ACVR1B: variants seen among roughly 807,000 people sequenced by gnomAD.
The protein encoded by ACVR1B is activin receptor type-1B.
In ACVR1B, 15 loss-of-function variants were observed where a neutral mutation model predicts 55.6. The observed-to-expected ratio is 0.27, with a 90% confidence interval of 0.18 to 0.42. ACVR1B has a LOEUF of 0.42. Ranked by LOEUF, ACVR1B falls within the 10% of genes least tolerant of loss-of-function variation. The pLI, the probability that ACVR1B is intolerant of heterozygous loss-of-function variation, is 1.00. For synonymous variants in ACVR1B, 247 were observed against 254.6 expected, an observed-to-expected ratio of 0.97 and a Z score of 0.28; for missense variants, 359 against 670.1, an observed-to-expected ratio of 0.54 and a Z score of 5.13.
chr12:51,980,079 T>G (rs1941947236), intron 3 of ACVR1B, among the ~76,000 whole-genome samples: 1 of 152,186 alleles, frequency 6.6e-6, no homozygotes, highest in South Asian at 2.1e-4. Flanking sequence ...TGTATGAATT[T>G]GAATATTACA....
At chr12:51,968,603 A>T (rs892742775) in intron 1 of ACVR1B, among the ~76,000 whole-genome samples, 1 of 152,116 alleles carries the variant, frequency 6.6e-6, no homozygotes, top group Admixed American at 6.5e-5. Context: ...GACAGCTTTG[A>T]TCTATGGTAT....
intron 6 of ACVR1B, among the ~76,000 whole-genome samples, chr12:51,985,874 T>C (rs573812293): frequency 1.3e-5 from 2 of 152,302 alleles, no homozygotes; most frequent in Admixed American, 6.5e-5. Context: ...ATTGACTTCA[T>C]GAGTTGGAAA....
chr12:51,976,221 G>A (rs1348227882), intron 2 of ACVR1B, 106 bp from the exon 3 acceptor site: 20 of 1,358,212 alleles, frequency 1.5e-5, no homozygotes, highest in Middle Eastern at 2.5e-4. Flanking sequence ...TGAACACATC[G>A]ACAGGGAAAG....
intron 1 of ACVR1B, among the ~76,000 whole-genome samples, chr12:51,973,380 A>G (rs1458636252): frequency 2.0e-5 from 3 of 152,172 alleles, no homozygotes; most frequent in Non-Finnish European, 2.9e-5. Flanking sequence ...TATGCTTTCC[A>G]TAGAGAACCC....
intron 5 of ACVR1B, among the ~76,000 whole-genome samples, chr12:51,984,753 G>A (rs1341443002): frequency 6.6e-6 from 1 of 152,226 alleles, no homozygotes; most frequent in South Asian, 2.1e-4. Flanking sequence ...AAAATCACCC[G>A]TGAAAGTTGG....
chr12:51,964,604 A>G (rs1941604760), intron 1 of ACVR1B, among the ~76,000 whole-genome samples: 1 of 152,134 alleles, frequency 6.6e-6, no homozygotes, highest in South Asian at 2.1e-4. Context: ...TAGTTGATAT[A>G]TTTAGGTCTT....
In ACVR1B at chr12:51,994,303, T is replaced by C; in HGVS notation, c.*193T>C. ...GGGTTTGAGACAGACACCTTTTCTA[T>C]TTACCTCCTAATGGCATGGAGACTC... On this transcript the variant is annotated 3_prime_UTR_variant, in exon 9 of 9. Coordinates refer to ENST00000257963, the MANE Select transcript of ACVR1B (RefSeq NM_004302.5). This position sits in a 1 kb window ranked among gnomAD's most constrained non-coding sequence, Gnocchi z 4.2. The C allele has an allele frequency of 3.1e-6, 2 of 649,162 alleles. No individual in the cohort carries two copies. The highest frequency in any genetic ancestry group is 3.9e-5 in the South Asian group (2 of 51,162). The allele number at this position is 649,162 out of a possible 1,614,324, so 40.2% of individuals were successfully genotyped here.
chr12:51,975,143 C>G, intron 1 of ACVR1B, 122 bp from the exon 2 acceptor site: 2 of 1,390,744 alleles, frequency 1.4e-6, no homozygotes, highest in South Asian at 2.8e-5. Context: ...CTTTTTGGCC[C>G]CATCTCTATA....
chr12:51,959,342 C>T (rs1175290292), intron 1 of ACVR1B, among the ~76,000 whole-genome samples: 1 of 152,220 alleles, frequency 6.6e-6, no homozygotes, highest in Non-Finnish European at 1.5e-5. Context: ...AAGCAGACGT[C>T]CATGTTGTGA....
rs1487059237 is a variant in ACVR1B, at chr12:51,975,350, G to A, written c.177G>A (p.Leu59=). 1.2e-6 allele frequency: 2 copies of A among 1,614,070 alleles called. No individual in the cohort carries two copies. Among genetic ancestry groups the A allele is most frequent in the African/African-American group, 2.7e-5 (2 of 74,928 alleles). ...CCTGCATGGTTTCCATTTTCAATCTGGATGGGATGGAGCACCATGTGCGCA... is the reference window on the plus strand; with the variant it reads ...CCTGCATGGTTTCCATTTTCAATCTAGATGGGATGGAGCACCATGTGCGCA... ...DGACMVSIFN[L]DGMEHHVRTC... The change falls in exon 2 of 9, where the codon CTG becomes CTA. Residue 59 remains leucine, a synonymous_variant. Coordinates refer to ENST00000257963, the MANE Select transcript of ACVR1B (RefSeq NM_004302.5).
At position 51,958,549 on chromosome 12, in the gene ACVR1B, G is replaced by A. The variant is rs777573664; in HGVS notation, c.91+6715G>A. On this transcript the variant is annotated intron_variant, in intron 1 of 8. Coordinates refer to ENST00000257963, the MANE Select transcript of ACVR1B (RefSeq NM_004302.5). ...TGTAATCTCAGCTACTCAGGAGGCT[G>A]AGGCAGGAGAATAGCTTGAATCCGG... is the stretch of plus-strand genomic sequence containing the variant. Among the ~76,000 whole-genome samples, 17 of 152,044 alleles carry A rather than the reference G, an allele frequency of 1.1e-4. 1 individual carries two copies. The highest frequency in any genetic ancestry group is 2.1e-4 in the Non-Finnish European group (14 of 67,986).
intron 8 of ACVR1B, among the ~76,000 whole-genome samples, chr12:51,992,756 A>G (rs1190535016): frequency 2.0e-5 from 3 of 152,204 alleles, no homozygotes; most frequent in Non-Finnish European, 4.4e-5. Context: ...TGTGTATGAC[A>G]GGGCTGGGAT....
Position 51,987,073 on chromosome 12 carries a change from G to T in ACVR1B, c.1261+131G>T, listed in dbSNP as rs1207986506. ...TGCCAGAGCCTGAATCATCGTTTAA[G>T]GTTGCCATCAAAGGTGTGGAGGTAG... On this transcript the variant is annotated intron_variant, in intron 7 of 8. Transcript: ENST00000257963. 3.1e-6 allele frequency: 4 copies of T among 1,307,434 alleles called. No homozygotes were observed. The African/African-American group carries it at 4.4e-5, about 14-fold the overall frequency. The allele number at this position is 1,307,434 out of a possible 1,614,324, so 81.0% of individuals were successfully genotyped here.
Position 51,996,159 on chromosome 12 carries a change from G to A in ACVR1B, c.*2049G>A, listed in dbSNP as rs1942293131. 6.6e-6 allele frequency: 1 copy of A among 152,262 alleles called. No individual in the cohort carries two copies. The highest frequency in any genetic ancestry group is 1.5e-5 in the Non-Finnish European group (1 of 68,126). The allele number at this position is 152,262 out of a possible 1,614,324, so 9.4% of individuals were successfully genotyped here. A position where few individuals can be genotyped will look rare whatever the true frequency, so the allele number is the denominator to read the frequency against. ...CCCCTCCACAAAGAGACCAGGGGCG[G>A]GTGATGAGACCTGGGGTTTAGAACC... On this transcript the variant is annotated 3_prime_UTR_variant, in exon 9 of 9. Transcript: ENST00000257963.
At chr12:51,991,781 C>A in intron 7 of ACVR1B, 82 bp from the exon 8 acceptor site, 2 of 1,457,520 alleles carry the variant, frequency 1.4e-6, no homozygotes, top group Non-Finnish European at 9.4e-7. Context: ...ATTTACAGAG[C>A]ACAGTGTAGG....
chr12:51,953,581 C>G (rs1206435993), intron 1 of ACVR1B: 29 of 898,986 alleles, frequency 3.2e-5, no homozygotes, highest in Non-Finnish European at 3.7e-5. Context: ...ACATAATGTT[C>G]TCTACTGGGT....
chr12:51,965,398 CATTT>C (rs1361411222), intron 1 of ACVR1B, among the ~76,000 whole-genome samples: 1 of 152,124 alleles, frequency 6.6e-6, no homozygotes, highest in Non-Finnish European at 1.5e-5. Flanking sequence ...GCACAACTAA[CATTT>C]ATAGTTTTGG....
chr12:51,958,131 C>A (rs1941447684), intron 1 of ACVR1B, among the ~76,000 whole-genome samples: 1 of 152,160 alleles, frequency 6.6e-6, no homozygotes, highest in Non-Finnish European at 1.5e-5. Flanking sequence ...TTGCATTAAC[C>A]ATATTTTGTT....
intron 1 of ACVR1B, among the ~76,000 whole-genome samples, chr12:51,966,366 A>T (rs1592246715): frequency 6.6e-6 from 1 of 152,250 alleles, no homozygotes; most frequent in African/African-American, 2.4e-5. Flanking sequence ...ATAACAGTGC[A>T]AGCGGGAACC....
Sources: gnomAD v4.1 joint callset for allele counts (sites outside exome capture counted in the v4.1 genomes callset) on GRCh38, gnomAD v4.1.1 for gene constraint, Gnocchi (gnomAD v3.1) non-coding constraint, MANE v1.5 for transcripts, NCBI Gene and HGNC (gene_info 2026-07-23, HGNC 2026-07-21) for gene names.